ALKBH1: variants seen among roughly 807,000 people sequenced by gnomAD.
ALKBH1 encodes the protein nucleic acid dioxygenase ALKBH1.
In ALKBH1, 31 loss-of-function variants were observed where a neutral mutation model predicts 36.6. The observed-to-expected ratio is 0.85, with a 90% CI of 0.64 to 1.14. The LOEUF is 1.14. Ranked by LOEUF, ALKBH1 falls within the 50% of genes most tolerant of loss-of-function variation. The pLI, the probability that ALKBH1 is intolerant of heterozygous loss-of-function variation, is 0.00. For missense variants in ALKBH1, 490 were observed against 497.3 expected (o/e 0.99, Z 0.14); for synonymous variants, 183 against 186.6 (o/e 0.98, Z 0.16).
rs2080405580 is a variant in ALKBH1 at position 77,707,880 on chromosome 14, C to T, written c.125G>A (p.Gly42Glu). ...GTGGGCCGCCGAGAAGTCGATGACC[C>T]CTTCCAGGTCTGCGGTCCCGGGCCG... ...QSRPGTADLEGVIDFSAAHAA... is the reference protein window; with the variant it reads ...QSRPGTADLEEVIDFSAAHAA... The change falls in exon 1 of 6, where the codon GGG becomes GAG. Residue 42 changes from glycine to glutamate, a missense_variant. Coordinates refer to ENST00000216489, the MANE Select transcript of ALKBH1 (RefSeq NM_006020.3). 1.2e-6 allele frequency: 2 copies of T among 1,613,502 alleles called. No homozygotes were observed. The highest frequency in any genetic ancestry group is 1.7e-6 in the Non-Finnish European group (2 of 1,179,910).
chr14:77,678,834 T>G lies in ALKBH1; in HGVS notation c.546+1046A>C, dbSNP rs77548864. 3.9e-5 allele frequency among the ~76,000 whole-genome samples: 6 copies of G among 152,208 alleles called. 1 individual carries two copies. The East Asian group carries it at 1.2e-3, about 29-fold the overall frequency. ...AGAGCAGGCAAATATCTTTTTTTTT[T>G]GAGACAAGATCTTGTTCTATCACCC... On this transcript the variant is annotated intron_variant, in intron 4 of 5. Transcript: ENST00000216489.
At chr14:77,693,684 C>T (rs1307648404) in intron 3 of ALKBH1, among the ~76,000 whole-genome samples, 2 of 151,888 alleles carry the variant, frequency 1.3e-5, no homozygotes, top group Non-Finnish European at 2.9e-5. Flanking sequence ...GAGGATAACC[C>T]AATAAAAAAA....
chr14:77,706,961 T>A (rs185508073), intron 1 of ALKBH1, among the ~76,000 whole-genome samples: 4 of 152,244 alleles, frequency 2.6e-5, no homozygotes, highest in African/African-American at 9.6e-5. Flanking sequence ...AGGGACTGCA[T>A]ATCCTCAACG....
At chr14:77,685,966 C>A (rs2080266225) in intron 3 of ALKBH1, among the ~76,000 whole-genome samples, 1 of 151,958 alleles carries the variant, frequency 6.6e-6, no homozygotes, top group Admixed American at 6.6e-5. Flanking sequence ...CGTATTAGAC[C>A]CATGTAAGTG....
At chr14:77,687,772 TTC>T (rs2080276102) in intron 3 of ALKBH1, among the ~76,000 whole-genome samples, 1 of 152,126 alleles carries the variant, frequency 6.6e-6, no homozygotes, top group Non-Finnish European at 1.5e-5. Flanking sequence ...CTGCTCTATT[TTC>T]TTCATCCTGT....
rs561630750 is a variant in ALKBH1 at position 77,701,043 on chromosome 14, C to T, written c.292+3326G>A. On this transcript the variant is annotated intron_variant, in intron 2 of 5. Coordinates refer to ENST00000216489, the MANE Select transcript of ALKBH1 (RefSeq NM_006020.3). ...CTGGGAGGTCAGGGCTGCAGTGAAG[C>T]GTGATTGTGCTACTGCACCCCACTG... Among the ~76,000 whole-genome samples the T allele has an allele frequency of 1.5e-4, 23 of 152,246 alleles. No homozygotes were observed. The South Asian group carries it at 3.7e-3, about 25-fold the overall frequency.
chr14:77,707,450 T>C (rs2080401073), intron 1 of ALKBH1, among the ~76,000 whole-genome samples: 1 of 152,234 alleles, frequency 6.6e-6, no homozygotes, highest in Admixed American at 6.5e-5. Flanking sequence ...CTGTCAGTTC[T>C]GGGATTCCTC....
chr14:77,676,976 T>A lies in ALKBH1; in HGVS notation c.547-1127A>T, dbSNP rs1412360410. On this transcript the variant is annotated intron_variant, in intron 4 of 5. Coordinates refer to ENST00000216489, the MANE Select transcript of ALKBH1 (RefSeq NM_006020.3). ...AACTTACTTCCCTGGGCTGTCTCTG[T>A]TTTTTACACCTAAGGATCACAAATA... 3.9e-5 allele frequency among the ~76,000 whole-genome samples: 6 copies of A among 152,248 alleles called. No homozygotes were observed. In the South Asian group the frequency reaches 1.2e-3, roughly 32 times the overall value.
intron 3 of ALKBH1, among the ~76,000 whole-genome samples, chr14:77,692,551 G>A (rs1431884425): frequency 6.6e-6 from 1 of 152,162 alleles, no homozygotes; most frequent in Non-Finnish European, 1.5e-5. Context: ...ATCTGACAGG[G>A]GGCGAAGCTC....
intron 3 of ALKBH1, among the ~76,000 whole-genome samples, chr14:77,680,268 G>T (rs1237146952): frequency 1.3e-5 from 2 of 152,164 alleles, no homozygotes; most frequent in Non-Finnish European, 2.9e-5. Context: ...AATGACAAGA[G>T]AAATGTCTTT....
rs200329684 is a variant in ALKBH1 at position 77,672,991 on chromosome 14, G to GA, written c.*820dup. The GA allele has an allele frequency of 0.016, 2,333 of 150,170 alleles. 25 individuals carry two copies. Among genetic ancestry groups the GA allele is most frequent in the Non-Finnish European group, 0.022 (1,487 of 67,460 alleles). The allele number at this position is 150,170 out of a possible 1,614,324, so 9.3% of individuals were successfully genotyped here. On this transcript the variant is annotated 3_prime_UTR_variant, in exon 6 of 6. Coordinates refer to ENST00000216489, the MANE Select transcript of ALKBH1 (RefSeq NM_006020.3). The stretch of plus-strand genomic sequence containing the variant: ...ATGAACAATACAGCAAAGAAAAACA[G>GA]AAAAAAAAACCTTAATCCCAGATAG...
At position 77,673,996 on chromosome 14, in the gene ALKBH1, A is replaced by T; in HGVS notation, c.986T>A (p.Val329Glu). The T allele has an allele frequency of 6.2e-7, 1 of 1,613,226 alleles. No individual in the cohort carries two copies. The highest frequency in any genetic ancestry group is 8.5e-7 in the Non-Finnish European group (1 of 1,179,918). ...AGCGGTCTTCAAGTAGCTGGCACAC[A>T]CCTGCCAGTCCTCCATAGAACAAGG... ...VEPCSMEDWQ[V>E]CASYLKTARV... Residue 329 changes from valine (V) to glutamate (E), a missense_variant, in exon 6 of 6, where the codon GTG (valine) becomes GAG (glutamate). Coordinates refer to ENST00000216489, the MANE Select transcript of ALKBH1 (RefSeq NM_006020.3).
At chr14:77,686,549 A>T (rs1010286172) in intron 3 of ALKBH1, among the ~76,000 whole-genome samples, 8 of 152,202 alleles carry the variant, frequency 5.3e-5, no homozygotes, top group African/African-American at 1.9e-4. Flanking sequence ...CCCCTGGTGA[A>T]TGTGCTCATA....
intron 2 of ALKBH1, 92 bp downstream of exon 2, chr14:77,704,277 T>G: frequency 2.2e-6 from 2 of 902,810 alleles, no homozygotes; most frequent in Non-Finnish European, 3.7e-6. Flanking sequence ...ATCCTTTGTC[T>G]ATTTACTTGC....
At chr14:77,697,541 C>T (rs1234495679) in intron 2 of ALKBH1, among the ~76,000 whole-genome samples, 2 of 151,970 alleles carry the variant, frequency 1.3e-5, no homozygotes, top group African/African-American at 4.8e-5. Context: ...AGATAGCGTC[C>T]CCTCCAGTCT....
intron 4 of ALKBH1, among the ~76,000 whole-genome samples, chr14:77,676,184 A>G (rs940265703): frequency 5.4e-5 from 8 of 148,306 alleles, no homozygotes; most frequent in African/African-American, 1.0e-4. Context: ...TTTGGCAGAG[A>G]TGGGGTCTCA....
At chr14:77,680,976 C>T (rs979698261) in intron 3 of ALKBH1, among the ~76,000 whole-genome samples, 2 of 152,104 alleles carry the variant, frequency 1.3e-5, no homozygotes, top group Admixed American at 1.3e-4. Flanking sequence ...ACAACTGGCC[C>T]ACTACTCTTT....
chr14:77,682,456 A>G (rs2080243186), intron 3 of ALKBH1, among the ~76,000 whole-genome samples: 1 of 152,142 alleles, frequency 6.6e-6, no homozygotes, highest in East Asian at 1.9e-4. Context: ...TTCTCTTTCC[A>G]AGGTATTACT....
chr14:77,704,332 G>T, intron 2 of ALKBH1, 37 bp downstream of exon 2: 1 of 1,406,196 alleles, frequency 7.1e-7, no homozygotes, highest in Non-Finnish European at 1.0e-6. Context: ...ATAAATGATT[G>T]AGTGATATTG....
Sources: gnomAD v4.1 joint callset for allele counts (sites outside exome capture counted in the v4.1 genomes callset) on GRCh38, gnomAD v4.1.1 for gene constraint, MANE v1.5 for transcripts, NCBI Gene and HGNC (gene_info 2026-07-23, HGNC 2026-07-21) for gene names.